The following NTRK2 variants were observed in gnomAD, a reference collection of about 807,000 sequenced individuals.
NTRK2 encodes BDNF/NT-3 growth factors receptor.
NTRK2 carries 13 observed loss-of-function variants against 94.5 expected under a neutral mutation model. The observed-to-expected ratio is 0.14, with a 90% CI of 0.09 to 0.22. The LOEUF (loss-of-function observed/expected upper bound fraction) is 0.22, where lower values mean the gene tolerates loss of function less well. Ranked by LOEUF, NTRK2 falls within the 10% of genes least tolerant of loss-of-function variation. The pLI is 1.00. For synonymous variants in NTRK2, 372 were observed against 407.4 expected (o/e 0.91, Z 1.05); for missense variants, 639 against 1,071.2 (o/e 0.60, Z 5.63).
At chr9:84,751,691 G>A (rs1418054384) in intron 11 of NTRK2, among the ~76,000 whole-genome samples, 1 of 152,078 alleles carries the variant, frequency 6.6e-6, no homozygotes, top group Non-Finnish European at 1.5e-5. Context: ...CTCTTTAGAT[G>A]GATGGAGAGA....
chr9:84,849,661 G>A (rs2074656812), intron 12 of NTRK2, among the ~76,000 whole-genome samples: 1 of 152,172 alleles, frequency 6.6e-6, no homozygotes, highest in Admixed American at 6.5e-5. Flanking sequence ...CAGTTTAGGA[G>A]GAGGTTACAA....
intron 12 of NTRK2, chr9:84,815,190 A>C (rs2072259698): frequency 5.7e-6 from 6 of 1,057,094 alleles, no homozygotes; most frequent in Non-Finnish European, 6.9e-6. Flanking sequence ...TGGTGAGGTA[A>C]CTCTAAGTTG....
chr9:84,912,394 T>C (rs966993969), intron 14 of NTRK2, among the ~76,000 whole-genome samples: 1 of 152,138 alleles, frequency 6.6e-6, no homozygotes, highest in Non-Finnish European at 1.5e-5. Context: ...TCCTTTCAGT[T>C]ATATCAGTTT....
intron 8 of NTRK2, among the ~76,000 whole-genome samples, chr9:84,725,927 C>T (rs2062419460): frequency 6.6e-6 from 1 of 152,088 alleles, no homozygotes; most frequent in African/African-American, 2.4e-5. Context: ...AGAGGAATGT[C>T]ACTGGTAACT....
chr9:84,700,160 CATT>C (rs1489401222), intron 2 of NTRK2, among the ~76,000 whole-genome samples: 3 of 152,216 alleles, frequency 2.0e-5, no homozygotes, highest in Non-Finnish European at 2.9e-5. Context: ...AACTCGCCCA[CATT>C]ATCTATCCTT....
At chr9:84,842,844 T>G (rs1043624630) in intron 12 of NTRK2, among the ~76,000 whole-genome samples, 1 of 152,182 alleles carries the variant, frequency 6.6e-6, no homozygotes, top group Non-Finnish European at 1.5e-5. Flanking sequence ...TAGAAGACCT[T>G]AGACTGGGGG....
At chr9:84,763,958 T>C (rs575505802) in intron 12 of NTRK2, among the ~76,000 whole-genome samples, 2 of 152,314 alleles carry the variant, frequency 1.3e-5, no homozygotes, top group African/African-American at 4.8e-5. Context: ...TCATTCTGTC[T>C]CTGTGTGATT....
chr9:84,877,602 C>G, intron 14 of NTRK2: 1 of 1,065,896 alleles, frequency 9.4e-7, no homozygotes, highest in Non-Finnish European at 1.1e-6. Context: ...GCTGCTGCAC[C>G]ATGTTGGGCT....
intron 12 of NTRK2, among the ~76,000 whole-genome samples, chr9:84,838,120 A>C (rs565725135): frequency 6.6e-6 from 1 of 152,232 alleles, no homozygotes; most frequent in Non-Finnish European, 1.5e-5. Flanking sequence ...TACCATATAC[A>C]ATATTTAGTG....
At chr9:84,697,749 G>C (rs181882097) in intron 2 of NTRK2, among the ~76,000 whole-genome samples, 1 of 152,320 alleles carries the variant, frequency 6.6e-6, no homozygotes, top group Admixed American at 6.5e-5. Context: ...GTTTCCATGC[G>C]GAGGCTGTGG....
intron 15 of NTRK2, among the ~76,000 whole-genome samples, 165 bp downstream of exon 15, chr9:84,934,457 T>TG (rs1446879969): frequency 1.3e-5 from 2 of 152,158 alleles, no homozygotes; most frequent in African/African-American, 4.8e-5. Context: ...AAAGGACATT[T>TG]GGGGCACATC....
chr9:84,698,773 T>G (rs1010571409), intron 2 of NTRK2, among the ~76,000 whole-genome samples: 2 of 152,216 alleles, frequency 1.3e-5, no homozygotes, highest in African/African-American at 4.8e-5. Flanking sequence ...TTAATTTACA[T>G]TTCACATTTC....
intron 12 of NTRK2, among the ~76,000 whole-genome samples, chr9:84,752,875 T>C (rs961752119): frequency 6.6e-6 from 1 of 152,184 alleles, no homozygotes; most frequent in African/African-American, 2.4e-5. Flanking sequence ...TATTTAAAAG[T>C]GTCTAAATGG....
At position 84,852,553 on chromosome 9, in the gene NTRK2, T is replaced by C. The variant is rs145223106; in HGVS notation, c.1397-8487T>C. Among the ~76,000 whole-genome samples the C allele has an allele frequency of 4.3e-4, 66 of 152,284 alleles. 1 individual carries two copies. The East Asian group carries it at 0.012, about 28-fold the overall frequency. On this transcript the variant is annotated intron_variant, in intron 12 of 18. Transcript: ENST00000277120. ...TTCTCAAAGTTCCAATCATGGAAAC[T>C]AATTATTAGGAGTTGCAGGTTCCAT...
chr9:85,001,388 A>G (rs1053863109), intron 17 of NTRK2, among the ~76,000 whole-genome samples: 1 of 152,150 alleles, frequency 6.6e-6, no homozygotes, highest in Non-Finnish European at 1.5e-5. Flanking sequence ...TTTTCAGATG[A>G]TGGGCAAGCG....
intron 2 of NTRK2, among the ~76,000 whole-genome samples, chr9:84,681,500 G>C (rs971808017): frequency 6.6e-6 from 1 of 152,120 alleles, no homozygotes; most frequent in Non-Finnish European, 1.5e-5. Flanking sequence ...AACTAGCTAG[G>C]TACATGGGAT....
chr9:84,781,207 G>C (rs1301041823), intron 12 of NTRK2, among the ~76,000 whole-genome samples: 1 of 152,154 alleles, frequency 6.6e-6, no homozygotes, highest in Non-Finnish European at 1.5e-5. Context: ...AAGGTGATAG[G>C]AGTTTTGAGA....
Position 84,735,136 on chromosome 9 carries a change from T to C in NTRK2, c.1160-6756T>C, listed in dbSNP as rs534390820. 2.6e-4 allele frequency among the ~76,000 whole-genome samples: 39 copies of C among 152,252 alleles called. 1 individual carries two copies. Among genetic ancestry groups the C allele is most frequent in the South Asian group, 6.3e-4 (3 of 4,800 alleles). On this transcript the variant is annotated intron_variant, in intron 9 of 18. Transcript: ENST00000277120. ...TTTTTGCTGAGTGCAGTGGATCCCT[T>C]GAGGCTGGGAGTTCCAGGCCAGTCT... is the stretch of plus-strand genomic sequence containing the variant.
At chr9:84,770,919 T>A (rs976784507) in intron 12 of NTRK2, among the ~76,000 whole-genome samples, 8 of 152,178 alleles carry the variant, frequency 5.3e-5, no homozygotes, top group African/African-American at 1.9e-4. Context: ...TAACTCTCCT[T>A]TCCCCCCTGG....
Sources: allele counts gnomAD v4.1 joint callset (sites outside exome capture counted in the v4.1 genomes callset), GRCh38; gene constraint gnomAD v4.1.1; transcripts MANE v1.5; gene names NCBI Gene and HGNC (gene_info 2026-07-23, HGNC 2026-07-21).